Variants in NKAIN1 observed in about 807,000 individuals in gnomAD.
NKAIN1 encodes the protein sodium/potassium-transporting ATPase subunit beta-1-interacting protein 1.
In NKAIN1, 13 loss-of-function variants were observed where a neutral mutation model predicts 31.6. The observed-to-expected ratio is 0.41, with a 90% CI of 0.27 to 0.65. The LOEUF (loss-of-function observed/expected upper bound fraction) is 0.65, where lower values mean the gene tolerates loss of function less well. Ranked by LOEUF, NKAIN1 falls within the 30% of genes least tolerant of loss-of-function variation. The pLI, the probability that NKAIN1 is intolerant of heterozygous loss-of-function variation, is 0.30. For synonymous variants in NKAIN1, 104 were observed against 109.0 expected (o/e 0.95, Z 0.28); for missense variants, 193 against 262.2 (o/e 0.74, Z 1.82).
chr1:31,212,290 C>G (rs908589501), intron 1 of NKAIN1, among the ~76,000 whole-genome samples: 2 of 152,014 alleles, frequency 1.3e-5, no homozygotes. Flanking sequence ...ACACCATATA[C>G]AAAAATTAAC....
chr1:31,239,480 C>T lies in NKAIN1; in HGVS notation c.54+14G>A. 1 of 1,441,374 alleles carries T rather than the reference C, an allele frequency of 6.9e-7. No individual in the cohort carries two copies. The highest frequency in any genetic ancestry group is 9.1e-7 in the Non-Finnish European group (1 of 1,102,344). The allele number at this position is 1,441,374 out of a possible 1,614,324, so 89.3% of individuals were successfully genotyped here. A position where few individuals can be genotyped will look rare whatever the true frequency, so the allele number is the denominator to read the frequency against. ...CCCCACCCTGCCCCGACTGCCTGGGCACGCGACGCTTACCAGCTGCAGGCA... is the reference window on the plus strand; with the variant it reads ...CCCCACCCTGCCCCGACTGCCTGGGTACGCGACGCTTACCAGCTGCAGGCA... On this transcript the variant is annotated intron_variant, in intron 1 of 6. Transcript: ENST00000373736. This position sits in a 1 kb window ranked among gnomAD's most constrained non-coding sequence, Gnocchi z 4.8.
intron 1 of NKAIN1, among the ~76,000 whole-genome samples, chr1:31,218,363 C>A (rs1020557487): frequency 6.6e-6 from 1 of 152,074 alleles, no homozygotes; most frequent in African/African-American, 2.4e-5. Context: ...CACCTGGCCG[C>A]AGCTACCATT....
chr1:31,200,516 G>A (rs1645372461), intron 1 of NKAIN1, among the ~76,000 whole-genome samples: 1 of 145,834 alleles, frequency 6.9e-6, no homozygotes, highest in African/African-American at 2.5e-5. Flanking sequence ...GGAGTGCAGT[G>A]GCATGATCCG....
Position 31,239,605 on chromosome 1 carries a change from GCCTGCTCGCGCCGCGCGGGCTCCA to G in NKAIN1, c.-82_-59del. 3 of 1,018,374 alleles carry G rather than the reference GCCTGCTCGCGCCGCGCGGGCTCCA, an allele frequency of 2.9e-6. No individual in the cohort carries two copies. The highest frequency in any genetic ancestry group is 3.6e-6 in the Non-Finnish European group (3 of 828,184). 63.1% of individuals were successfully genotyped at this position (1,018,374 alleles called of 1,614,324 possible). On this transcript the variant is annotated 5_prime_UTR_variant, in exon 1 of 7. Transcript: ENST00000373736. This position sits in a 1 kb window ranked among gnomAD's most constrained non-coding sequence, Gnocchi z 4.8. The stretch of plus-strand genomic sequence containing the variant: ...GCGCCCTTCTTGCTCCGCGGCCGCC[GCCTGCTCGCGCCGCGCGGGCTCCA>G]CGTCCTCCCCGCTGGGCGCGCCGGG...
chr1:31,194,576 A>C (rs1645309563), intron 1 of NKAIN1, among the ~76,000 whole-genome samples: 2 of 142,458 alleles, frequency 1.4e-5, no homozygotes, highest in African/African-American at 2.6e-5. Context: ...CCTGCCAATT[A>C]TTGTATTTTT....
At chr1:31,232,674 G>C (rs1569592335) in intron 1 of NKAIN1, among the ~76,000 whole-genome samples, 1 of 151,354 alleles carries the variant, frequency 6.6e-6, no homozygotes, top group African/African-American at 2.4e-5. Context: ...AGAGTAGTTT[G>C]GGAGTCTCCT....
chr1:31,234,682 CTAT>C (rs3046300), intron 1 of NKAIN1, among the ~76,000 whole-genome samples: 11,536 of 152,048 alleles, frequency 0.076, 829 homozygotes, highest in South Asian at 0.21. Flanking sequence ...TGGCAGTGAT[CTAT>C]TATTGGGCAC....
intron 1 of NKAIN1, among the ~76,000 whole-genome samples, chr1:31,232,424 TAGAGAG>T (rs34605060): frequency 0.021 from 348 of 16,804 alleles, 11 homozygotes; most frequent in African/African-American, 0.055. Context: ...TATATATATA[TAGAGAG>T]AGAGAGAGAG....
At position 31,239,258 on chromosome 1, in the gene NKAIN1, G is replaced by A. The variant is rs959546498; in HGVS notation, c.54+236C>T. ...GGGCGGGCCGGGGACTCGCGCACAG[G>A]ACGCACTTGGGGACCGGAGGAGCGC... On this transcript the variant is annotated intron_variant, in intron 1 of 6. Coordinates refer to ENST00000373736, the MANE Select transcript of NKAIN1 (RefSeq NM_024522.3). The surrounding 1 kb of genome is among the most constrained non-coding windows in gnomAD (Gnocchi z 4.8). 7.2e-4 allele frequency among the ~76,000 whole-genome samples: 109 copies of A among 152,172 alleles called. 1 individual carries two copies. Among genetic ancestry groups the A allele is most frequent in the African/African-American group, 2.3e-3 (94 of 41,530 alleles).
intron 1 of NKAIN1, among the ~76,000 whole-genome samples, chr1:31,198,221 C>T (rs1003382557): frequency 3.5e-4 from 53 of 152,264 alleles, no homozygotes; most frequent in African/African-American, 1.3e-3. Flanking sequence ...CATTCTAGAG[C>T]AGCAGGCCCC....
At chr1:31,182,049 C>A in intron 5 of NKAIN1, 108 bp from the exon 6 acceptor site, 2 of 1,138,676 alleles carry the variant, frequency 1.8e-6, no homozygotes, top group Admixed American at 2.0e-5. Flanking sequence ...CCCTAGGAAG[C>A]GGAGCCAGAG....
intron 1 of NKAIN1, among the ~76,000 whole-genome samples, chr1:31,207,701 G>A (rs1645435301): frequency 6.6e-6 from 1 of 152,144 alleles, no homozygotes; most frequent in Non-Finnish European, 1.5e-5. Flanking sequence ...CAAGTCTATG[G>A]TGACACAGAC....
At chr1:31,200,396 T>C (rs1036283154) in intron 1 of NKAIN1, among the ~76,000 whole-genome samples, 19 of 151,814 alleles carry the variant, frequency 1.3e-4, no homozygotes, top group African/African-American at 4.6e-4. Context: ...GAATCTTAAC[T>C]ATATGCACTT....
chr1:31,209,498 G>C (rs1422706019), intron 1 of NKAIN1, among the ~76,000 whole-genome samples: 1 of 152,092 alleles, frequency 6.6e-6, no homozygotes, highest in African/African-American at 2.4e-5. Context: ...CAAAAAGGGA[G>C]TCTCCTGGAA....
chr1:31,220,003 ATT>A (rs11453918), intron 1 of NKAIN1, among the ~76,000 whole-genome samples: 1,520 of 127,702 alleles, frequency 0.012, 33 homozygotes, highest in East Asian at 0.099. Flanking sequence ...GAACACTCAG[ATT>A]TTTTTTTTTT....
intron 1 of NKAIN1, among the ~76,000 whole-genome samples, chr1:31,222,504 A>C (rs980824906): frequency 1.3e-5 from 2 of 152,138 alleles, no homozygotes; most frequent in Non-Finnish European, 2.9e-5. Context: ...CAGGGTATGG[A>C]CCCATCTGGG....
At position 31,239,293 on chromosome 1, in the gene NKAIN1, C is replaced by G. The variant is rs1279068374; in HGVS notation, c.54+201G>C. Among the ~76,000 whole-genome samples the G allele has an allele frequency of 1.3e-5, 2 of 152,068 alleles. No homozygotes were observed. The highest frequency in any genetic ancestry group is 4.8e-5 in the African/African-American group (2 of 41,418). ...GGGACCGGAGGAGCGCCGGGCACAGCAGCGAGAAGCGCACACAAAGAGACA... is the reference window on the plus strand; with the variant it reads ...GGGACCGGAGGAGCGCCGGGCACAGGAGCGAGAAGCGCACACAAAGAGACA... On this transcript the variant is annotated intron_variant, in intron 1 of 6. Coordinates refer to ENST00000373736, the MANE Select transcript of NKAIN1 (RefSeq NM_024522.3). This position sits in a 1 kb window ranked among gnomAD's most constrained non-coding sequence, Gnocchi z 4.8.
At chr1:31,228,420 G>A (rs999840804) in intron 1 of NKAIN1, among the ~76,000 whole-genome samples, 4 of 152,116 alleles carry the variant, frequency 2.6e-5, no homozygotes, top group Admixed American at 2.0e-4. Flanking sequence ...TTTGAGGTAT[G>A]GGGTGGGAAG....
chr1:31,230,107 C>A (rs1013820666), intron 1 of NKAIN1, among the ~76,000 whole-genome samples: 14 of 152,170 alleles, frequency 9.2e-5, no homozygotes, highest in Admixed American at 7.2e-4. Context: ...CCAGCTTGAG[C>A]CTTCCATTCA....
Sources: gnomAD v4.1 joint callset for allele counts (sites outside exome capture counted in the v4.1 genomes callset) on GRCh38, gnomAD v4.1.1 for gene constraint, Gnocchi (gnomAD v3.1) non-coding constraint, MANE v1.5 for transcripts, NCBI Gene and HGNC (gene_info 2026-07-23, HGNC 2026-07-21) for gene names.